The following LBHD1 variants were observed in gnomAD, a reference collection of about 807,000 sequenced individuals.
LBHD1 encodes the protein LBH domain containing 1.
In LBHD1, 28 loss-of-function variants were observed where a neutral mutation model predicts 31.1. That is an observed-to-expected ratio of 0.90 (90% CI 0.67 to 1.24). The LOEUF (loss-of-function observed/expected upper bound fraction) is 1.24. Ranked by LOEUF, LBHD1 falls within the 50% of genes most tolerant of loss-of-function variation. The pLI is 0.00. For synonymous variants in LBHD1, 105 were observed against 116.5 expected, an observed-to-expected ratio of 0.90 and a Z score of 0.63; for missense variants, 350 against 323.0, an observed-to-expected ratio of 1.08 and a Z score of -0.64.
At chr11:62,663,666 C>T (rs1454224078) in intron 5 of LBHD1, among the ~76,000 whole-genome samples, 1 of 149,208 alleles carries the variant, frequency 6.7e-6, no homozygotes, top group Non-Finnish European at 1.5e-5. Flanking sequence ...TGCACTCCAG[C>T]CTGGGCGACA....
chr11:62,665,171 G>T, intron 4 of LBHD1, 198 bp from the exon 5 acceptor site: 1 of 865,164 alleles, frequency 1.2e-6, no homozygotes. Flanking sequence ...AGCTCCCATA[G>T]TCGCGATTCC....
In LBHD1 at chr11:62,671,747, T is replaced by C. The variant is rs1388517088; in HGVS notation, c.-194A>G. 2 of 1,613,398 alleles carry C rather than the reference T, an allele frequency of 1.2e-6. No individual in the cohort carries two copies. Among genetic ancestry groups the C allele is most frequent in the East Asian group, 2.2e-5 (1 of 44,854 alleles). Reference sequence around the variant, plus strand: ...GCTCCGCTGGCTGTGCAGGCGGCCATGGATTCCTTGCGGAAAATGCTGATC... The same window carrying C: ...GCTCCGCTGGCTGTGCAGGCGGCCACGGATTCCTTGCGGAAAATGCTGATC... On this transcript the variant is annotated 5_prime_UTR_variant, in exon 1 of 7. An upstream start codon of the reference 5' UTR is lost. Transcript: ENST00000354588.
intron 3 of LBHD1, chr11:62,669,319 C>T (rs527399674): frequency 3.6e-5 from 31 of 859,622 alleles, no homozygotes; most frequent in Middle Eastern, 6.0e-4. Context: ...ATGGCGTGAA[C>T]CCAGGAGGCG....
intron 1 of LBHD1, 34 bp downstream of exon 1, chr11:62,671,530 C>A: frequency 7.1e-7 from 1 of 1,411,614 alleles, no homozygotes. Context: ...TTGGTGCCAG[C>A]ACTTCTTGGA....
intron 4 of LBHD1, chr11:62,666,073 C>A: frequency 9.1e-7 from 1 of 1,101,662 alleles, no homozygotes; most frequent in Non-Finnish European, 1.3e-6. Context: ...GTGGGCCGTG[C>A]GTGGTGGCTC....
chr11:62,671,644 A>T lies in LBHD1; in HGVS notation c.-91T>A. 6.5e-7 allele frequency: 1 copy of T among 1,543,646 alleles called. No homozygotes were observed. The highest frequency in any genetic ancestry group is 1.2e-5 in the South Asian group (1 of 83,832). ...CGGCCGCTTATCTATGGTTTCTGCT[A>T]TAGGGCGCTCTAGCCTGCGCCAAGG... is the stretch of plus-strand genomic sequence containing the variant. On this transcript the variant is annotated 5_prime_UTR_variant, in exon 1 of 7. Coordinates refer to ENST00000354588, the MANE Select transcript of LBHD1 (RefSeq NM_024099.5).
chr11:62,663,977 G>A (rs1437327042), intron 5 of LBHD1, among the ~76,000 whole-genome samples: 6 of 149,712 alleles, frequency 4.0e-5, no homozygotes, highest in African/African-American at 1.2e-4. Context: ...GGAGGCTGAG[G>A]CAAGAGAATA....
Position 62,669,482 on chromosome 11 carries a change from AC to A in LBHD1, c.313+158del, listed in dbSNP as rs1944900181. On this transcript the variant is annotated intron_variant, in intron 3 of 6. Coordinates refer to ENST00000354588, the MANE Select transcript of LBHD1 (RefSeq NM_024099.5). Reference sequence around the variant, plus strand: ...CAAAACTGCTCTCTACAATTCATCAACTTTGCCAGCTGCCTTTTCTCTCCCA... The same window carrying A: ...CAAAACTGCTCTCTACAATTCATCAATTTGCCAGCTGCCTTTTCTCTCCCA... The A allele has an allele frequency of 6.1e-6, 6 of 984,932 alleles. No individual in the cohort carries two copies. The South Asian group carries it at 2.8e-4, about 46-fold the overall frequency. The allele number at this position is 984,932 out of a possible 1,614,324, so 61.0% of individuals were successfully genotyped here.
chr11:62,670,838 G>GA (rs1355665010), intron 1 of LBHD1: 2 of 154,382 alleles, frequency 1.3e-5, no homozygotes, highest in African/African-American at 4.8e-5. Flanking sequence ...GTGAACCCGG[G>GA]AGGCAGAGCT....
intron 1 of LBHD1, chr11:62,671,328 C>T: frequency 3.1e-6 from 3 of 971,582 alleles, no homozygotes; most frequent in Middle Eastern, 2.4e-4. Flanking sequence ...AGATGCCCTC[C>T]ATGCGCTGTG....
At chr11:62,665,918 G>A (rs1401011893) in intron 4 of LBHD1, 10 of 1,613,236 alleles carry the variant, frequency 6.2e-6, no homozygotes, top group Admixed American at 1.7e-5. Flanking sequence ...TGCCGAGCCT[G>A]ATGATGGGGA....
intron 1 of LBHD1, chr11:62,671,157 C>A (rs759457442): frequency 1.1e-5 from 4 of 361,360 alleles, no homozygotes; most frequent in Non-Finnish European, 1.7e-5. Flanking sequence ...CAAAAAAAAA[C>A]CCAAACAATA....
intron 4 of LBHD1, chr11:62,666,034 C>T: frequency 1.4e-6 from 2 of 1,405,984 alleles, no homozygotes; most frequent in East Asian, 2.3e-5. Flanking sequence ...GGAGTGTAGT[C>T]CCTGAAATTG....
At position 62,664,917 on chromosome 11, in the gene LBHD1, C is replaced by G; in HGVS notation, c.595G>C (p.Glu199Gln). Reference protein sequence around the residue: ...PAGVESGAASEAPGGRGCDRP... With the variant: ...PAGVESGAASQAPGGRGCDRP... Reference sequence around the variant, plus strand: ...TCACAGCCCCGACCACCCGGTGCCTCAGACGCCGCTCCCGATTCAACACCC... The same window carrying G: ...TCACAGCCCCGACCACCCGGTGCCTGAGACGCCGCTCCCGATTCAACACCC... Residue 199 changes from glutamate to glutamine, a missense_variant, in exon 5 of 7, where the codon GAG becomes CAG. Coordinates refer to ENST00000354588, the MANE Select transcript of LBHD1 (RefSeq NM_024099.5). 6.2e-7 allele frequency: 1 copy of G among 1,603,124 alleles called. No individual in the cohort carries two copies. The highest frequency in any genetic ancestry group is 8.5e-7 in the Non-Finnish European group (1 of 1,175,186).
chr11:62,666,461 T>C (rs1944814921), intron 4 of LBHD1: 1 of 1,613,660 alleles, frequency 6.2e-7, no homozygotes, highest in South Asian at 1.1e-5. Flanking sequence ...CCAGCCTCGT[T>C]TGGGCACTGT....
rs1440010167 is a variant in LBHD1, at chr11:62,666,731, G to A, written c.538+792C>T. ...AACACCTCTATGCCCTGGACACCCTGCCTCAAGCCTCCACTTCATGCACGC... is the reference window on the plus strand; with the variant it reads ...AACACCTCTATGCCCTGGACACCCTACCTCAAGCCTCCACTTCATGCACGC... On this transcript the variant is annotated intron_variant, in intron 4 of 6. Coordinates refer to ENST00000354588, the MANE Select transcript of LBHD1 (RefSeq NM_024099.5). The A allele has an allele frequency of 6.2e-7, 1 of 1,614,090 alleles. No homozygotes were observed. Among genetic ancestry groups the A allele is most frequent in the Non-Finnish European group, 8.5e-7 (1 of 1,180,010 alleles).
intron 4 of LBHD1, chr11:62,665,779 G>C (rs1944790713): frequency 1.1e-5 from 17 of 1,538,934 alleles, no homozygotes; most frequent in Non-Finnish European, 1.4e-5. Context: ...CTTTCGCTAC[G>C]CGGAATTTGC....
intron 4 of LBHD1, chr11:62,666,693 G>A: frequency 6.2e-7 from 1 of 1,614,044 alleles, no homozygotes; most frequent in Non-Finnish European, 8.5e-7. Context: ...CTCCTGGAGG[G>A]TGGCCCAGGC....
At position 62,672,212 on chromosome 11, in the gene LBHD1, G is replaced by T; in HGVS notation, c.-659C>A. The T allele has an allele frequency of 7.8e-7, 1 of 1,287,814 alleles. No homozygotes were observed. The highest frequency in any genetic ancestry group is 1.1e-6 in the Non-Finnish European group (1 of 937,870). The allele number at this position is 1,287,814 out of a possible 1,614,324, so 79.8% of individuals were successfully genotyped here. Reference sequence around the variant, plus strand: ...GGGCCCAGCGGAGAGTCCGGACCGAGATACCATGCCAGGACTCTCCGGGGT... The same window carrying T: ...GGGCCCAGCGGAGAGTCCGGACCGATATACCATGCCAGGACTCTCCGGGGT... On this transcript the variant is annotated 5_prime_UTR_variant, in exon 1 of 7. Coordinates refer to ENST00000354588, the MANE Select transcript of LBHD1 (RefSeq NM_024099.5).
Sources: allele counts gnomAD v4.1 joint callset (sites outside exome capture counted in the v4.1 genomes callset), GRCh38; gene constraint gnomAD v4.1.1; transcripts MANE v1.5; gene names NCBI Gene and HGNC (gene_info 2026-07-23, HGNC 2026-07-21).